The following HTR1F variants were observed in gnomAD, a reference collection of about 807,000 sequenced individuals.
The protein encoded by HTR1F is 5-hydroxytryptamine receptor 1F.
Under a neutral mutation model 24.0 loss-of-function variants are expected in HTR1F, and 17 were observed. The observed-to-expected ratio is 0.71, with a 90% CI of 0.48 to 1.06. The LOEUF is 1.06. Ranked by LOEUF, HTR1F falls within the 50% of genes least tolerant of loss-of-function variation. The pLI, the probability that HTR1F is intolerant of heterozygous loss-of-function variation, is 0.00. For missense variants in HTR1F, 391 were observed against 427.8 expected (o/e 0.91, Z 0.76); for synonymous variants, 186 against 156.8 (o/e 1.19, Z -1.39).
rs370777104 is a variant in HTR1F, at chr3:87,939,336, G to GT, written c.-42-51366dup. On this transcript the variant is annotated intron_variant, in intron 2 of 2. Coordinates refer to ENST00000319595, the MANE Select transcript of HTR1F (RefSeq NM_001322209.2). Reference sequence around the variant, plus strand: ...CAGGGATATTGGCCTGAAATTTTCTGTTTTTTGTTGTGTCTCTGCCAGGTT... The same window carrying GT: ...CAGGGATATTGGCCTGAAATTTTCTGTTTTTTTGTTGTGTCTCTGCCAGGTT... 3.3e-5 allele frequency among the ~76,000 whole-genome samples: 5 copies of GT among 152,222 alleles called. 1 individual carries two copies. The highest frequency in any genetic ancestry group is 1.2e-4 in the African/African-American group (5 of 41,542).
At chr3:87,823,514 A>AT (rs1491511505) in intron 2 of HTR1F, among the ~76,000 whole-genome samples, 6 of 121,430 alleles carry the variant, frequency 4.9e-5, no homozygotes, top group African/African-American at 2.2e-4. Flanking sequence ...AACTGGTCCC[A>AT]TATTTTTTTT....
chr3:87,793,537 A>T (rs1703852704), intron 1 of HTR1F: 1 of 152,122 alleles, frequency 6.6e-6, no homozygotes, highest in Non-Finnish European at 1.5e-5. Context: ...AATCAAGCAA[A>T]AGAGAAAGGG....
rs192142854 is a variant in HTR1F at position 87,968,700 on chromosome 3, G to A, written c.-42-22008G>A. ...AGGAAAGAAAAACCCATTTTCTTAG[G>A]AGAAATTTAAGCTGGCTACAGAAAT... On this transcript the variant is annotated intron_variant, in intron 2 of 2. Coordinates refer to ENST00000319595, the MANE Select transcript of HTR1F (RefSeq NM_001322209.2). 8.7e-3 allele frequency among the ~76,000 whole-genome samples: 1,319 copies of A among 152,298 alleles called. 19 individuals carry two copies. The highest frequency in any genetic ancestry group is 9.4e-3 in the Non-Finnish European group (638 of 68,030).
At chr3:87,836,873 A>C (rs914297203) in intron 2 of HTR1F, among the ~76,000 whole-genome samples, 2 of 140,614 alleles carry the variant, frequency 1.4e-5, no homozygotes, top group African/African-American at 6.2e-5. Context: ...TCCTATCCTT[A>C]GTTCCACAAT....
chr3:87,864,385 T>C (rs1705378775), intron 2 of HTR1F, among the ~76,000 whole-genome samples: 1 of 152,168 alleles, frequency 6.6e-6, no homozygotes, highest in Non-Finnish European at 1.5e-5. Flanking sequence ...ACATATGGGT[T>C]GTTCTGGTCA....
At chr3:87,856,942 G>A (rs1488670053) in intron 2 of HTR1F, among the ~76,000 whole-genome samples, 3 of 152,054 alleles carry the variant, frequency 2.0e-5, no homozygotes, top group Non-Finnish European at 4.4e-5. Flanking sequence ...CAAAAATGAC[G>A]TGTACCAGCT....
chr3:87,910,919 A>C (rs1370371200), intron 2 of HTR1F, among the ~76,000 whole-genome samples: 1 of 152,102 alleles, frequency 6.6e-6, no homozygotes, highest in Non-Finnish European at 1.5e-5. Context: ...GTTCTTTGAA[A>C]CTAATGAGAA....
At chr3:87,905,069 A>C (rs536369848) in intron 2 of HTR1F, among the ~76,000 whole-genome samples, 1 of 152,128 alleles carries the variant, frequency 6.6e-6, no homozygotes, top group Admixed American at 6.6e-5. Flanking sequence ...ACTACTTGGG[A>C]GGCTGAGGTG....
chr3:87,933,643 G>T (rs1331958257), intron 2 of HTR1F, among the ~76,000 whole-genome samples: 1 of 152,094 alleles, frequency 6.6e-6, no homozygotes, highest in Non-Finnish European at 1.5e-5. Context: ...AATCCAACTT[G>T]CAAGGGACAT....
At chr3:87,961,000 G>GCGCA (rs1553682275) in intron 2 of HTR1F, among the ~76,000 whole-genome samples, 20 of 144,442 alleles carry the variant, frequency 1.4e-4, no homozygotes, top group African/African-American at 4.3e-4. Context: ...TTGGTATGGT[G>GCGCA]CACACACACA....
intron 2 of HTR1F, among the ~76,000 whole-genome samples, chr3:87,869,428 G>C (rs60421479): frequency 0.041 from 5,154 of 124,706 alleles, 107 homozygotes; most frequent in African/African-American, 0.059. Flanking sequence ...TAGATAGATA[G>C]ATAGATACAT....
intron 1 of HTR1F, among the ~76,000 whole-genome samples, chr3:87,806,456 TG>T (rs1218117395): frequency 2.6e-5 from 4 of 152,050 alleles, no homozygotes; most frequent in Non-Finnish European, 5.9e-5. Flanking sequence ...AATAACTCAC[TG>T]TGGTTATGAT....
At chr3:87,836,777 G>C (rs971298318) in intron 2 of HTR1F, among the ~76,000 whole-genome samples, 1 of 152,232 alleles carries the variant, frequency 6.6e-6, no homozygotes, top group South Asian at 2.1e-4. Context: ...GGGTCAGAGA[G>C]TTTGGGTGAA....
At chr3:87,886,807 A>G (rs1705957392) in intron 2 of HTR1F, among the ~76,000 whole-genome samples, 1 of 152,118 alleles carries the variant, frequency 6.6e-6, no homozygotes, top group African/African-American at 2.4e-5. Context: ...AGAACTACAA[A>G]CCACTGCTCA....
chr3:87,928,406 T>C (rs573944582), intron 2 of HTR1F, among the ~76,000 whole-genome samples: 1 of 152,202 alleles, frequency 6.6e-6, no homozygotes, highest in African/African-American at 2.4e-5. Flanking sequence ...AACATTTTAT[T>C]TGGACAGCTC....
intron 1 of HTR1F, among the ~76,000 whole-genome samples, chr3:87,821,610 T>C (rs1704361295): frequency 6.6e-6 from 1 of 152,176 alleles, no homozygotes; most frequent in South Asian, 2.1e-4. Flanking sequence ...TCATGCTCCC[T>C]GGTGTCAGGG....
intron 2 of HTR1F, among the ~76,000 whole-genome samples, chr3:87,931,604 G>A (rs1469720384): frequency 6.6e-6 from 1 of 152,080 alleles, no homozygotes; most frequent in Non-Finnish European, 1.5e-5. Flanking sequence ...TCTAGTTCTA[G>A]ATCCCTGAGG....
chr3:87,897,236 T>TATA (rs1553672959), intron 2 of HTR1F, among the ~76,000 whole-genome samples: 1 of 146,560 alleles, frequency 6.8e-6, no homozygotes, highest in African/African-American at 2.5e-5. Flanking sequence ...TATAAATGTT[T>TATA]TATATATATA....
intron 2 of HTR1F, among the ~76,000 whole-genome samples, chr3:87,897,633 T>C (rs1410974307): frequency 6.6e-6 from 1 of 152,158 alleles, no homozygotes; most frequent in Admixed American, 6.6e-5. Context: ...CCCTTCATGA[T>C]CTGATGACAC....
Sources: gnomAD v4.1 joint callset for allele counts (sites outside exome capture counted in the v4.1 genomes callset) on GRCh38, gnomAD v4.1.1 for gene constraint, MANE v1.5 for transcripts, NCBI Gene and HGNC (gene_info 2026-07-23, HGNC 2026-07-21) for gene names.